Variants in JAK3 observed in about 807,000 individuals in gnomAD.
JAK3 encodes Janus kinase 3.
A neutral mutation model predicts 120.8 loss-of-function variants in JAK3; 88 were observed. The ratio of observed to expected loss-of-function variants is 0.73; its 90% confidence interval spans 0.61 to 0.87. JAK3 has a LOEUF of 0.87. JAK3 is among the 40% of genes least tolerant of loss of function. The pLI is 0.00. For missense variants in JAK3, 1,254 were observed against 1,501.4 expected (o/e 0.84, Z 2.72); for synonymous variants, 592 against 628.6 (o/e 0.94, Z 0.87).
chr19:17,835,952 T>C lies in JAK3; in HGVS notation c.1886A>G (p.Lys629Arg). 6.2e-7 allele frequency: 1 copy of C among 1,614,104 alleles called. No individual in the cohort carries two copies. Among genetic ancestry groups the C allele is most frequent in the Non-Finnish European group, 8.5e-7 (1 of 1,180,024 alleles). ...ATAGTTGAGGGCGTAGGCCAGCTGT[T>C]TGACCACCTGCAGCTTCCAGCTGGC... The part of the protein sequence containing the change: ...VPASWKLQVV[K>R]QLAYALNYLE... Residue 629 changes from lysine (K) to arginine (R), a missense_variant, in exon 14 of 24, where the codon AAA (lysine) becomes AGA (arginine). Physicochemically the swap from Lys to Arg is conservative, Grantham distance 26. Transcript: ENST00000458235.
Position 17,831,171 on chromosome 19 carries a change from GGGGGCGGAGCCAGAGCCGTGGGGAATA to G in JAK3, c.2978+30_2978+56del. Reference sequence around the variant, plus strand: ...AGCGGGAGGGGGCGGGGGCATGGCTGGGGGCGGAGCCAGAGCCGTGGGGAATAGGGGCGGAGCCTAGGCGCGGGTTCC... The same window carrying G: ...AGCGGGAGGGGGCGGGGGCATGGCTGGGGGCGGAGCCTAGGCGCGGGTTCC... On this transcript the variant is annotated intron_variant, in intron 21 of 23. Transcript: ENST00000458235. The surrounding 1 kb of genome is among the most constrained non-coding windows in gnomAD (Gnocchi z 5.1). 1 of 1,566,360 alleles carries G rather than the reference GGGGGCGGAGCCAGAGCCGTGGGGAATA, an allele frequency of 6.4e-7. No homozygotes were observed. Among genetic ancestry groups the G allele is most frequent in the Non-Finnish European group, 8.7e-7 (1 of 1,150,100 alleles).
intron 13 of JAK3, 125 bp from the exon 14 acceptor site, chr19:17,836,176 G>A: frequency 9.0e-7 from 1 of 1,112,894 alleles, no homozygotes; most frequent in Non-Finnish European, 1.3e-6. Flanking sequence ...CTCCCCTGCT[G>A]CCTCTGTTCA....
chr19:17,834,678 T>C lies in JAK3; in HGVS notation c.2243A>G (p.Lys748Arg), dbSNP rs759965964. Reference sequence around the variant, plus strand: ...AATCAGCAGGGCCAGCTCTGTCCACTTGGGGGCCGGCAGCTGCTGCCGGTC... The same window carrying C: ...AATCAGCAGGGCCAGCTCTGTCCACCTGGGGGCCGGCAGCTGCTGCCGGTC... ...YEDRQQLPAPKWTELALLIQQ... is the reference protein window; with the variant it reads ...YEDRQQLPAPRWTELALLIQQ... Residue 748 changes from lysine to arginine, a missense_variant, in exon 17 of 24, where the codon AAG becomes AGG. This residue lies in a region of JAK3 where 630 missense variants were observed against 819.8 expected (regional missense o/e 0.77). Transcript: ENST00000458235. 21 of 1,613,936 alleles carry C rather than the reference T, an allele frequency of 1.3e-5. No individual in the cohort carries two copies. Among genetic ancestry groups the C allele is most frequent in the African/African-American group, 2.7e-5 (2 of 74,888 alleles).
In JAK3 at chr19:17,842,734, C is replaced by G; in HGVS notation, c.567-124G>C. On this transcript the variant is annotated intron_variant, in intron 5 of 23. Coordinates refer to ENST00000458235, the MANE Select transcript of JAK3 (RefSeq NM_000215.4). This position sits in a 1 kb window ranked among gnomAD's most constrained non-coding sequence, Gnocchi z 6.4. ...GGCCCTAGTTGGGGCACCAGGCACA[C>G]ACAGACTCTCATTCAGGGTCAGGTA... 4.8e-6 allele frequency: 5 copies of G among 1,041,952 alleles called. No homozygotes were observed. The highest frequency in any genetic ancestry group is 5.5e-6 in the Non-Finnish European group (4 of 732,614). The allele number at this position is 1,041,952 out of a possible 1,614,324, so 64.5% of individuals were successfully genotyped here.
In JAK3 at chr19:17,842,815, G is replaced by T; in HGVS notation, c.567-205C>A. On this transcript the variant is annotated intron_variant, in intron 5 of 23. Coordinates refer to ENST00000458235, the MANE Select transcript of JAK3 (RefSeq NM_000215.4). The surrounding 1 kb of genome is among the most constrained non-coding windows in gnomAD (Gnocchi z 6.4). ...CATTGGCGCCCACAGGTCGGACAGG[G>T]ACCCCACAGGCCTTTTAGCTGGGGG... The T allele has an allele frequency of 1.2e-6, 1 of 836,924 alleles. No individual in the cohort carries two copies. The highest frequency in any genetic ancestry group is 1.9e-6 in the Non-Finnish European group (1 of 535,068). 51.8% of individuals were successfully genotyped at this position (836,924 alleles called of 1,614,324 possible).
At chr19:17,838,128 G>A (rs2094228851) in intron 11 of JAK3, 65 bp from the exon 12 acceptor site, 9 of 1,612,950 alleles carry the variant, frequency 5.6e-6, no homozygotes, top group Middle Eastern at 1.7e-4. Flanking sequence ...CAGCCCAAGC[G>A]AGACATAGCT....
At position 17,826,799 on chromosome 19, in the gene JAK3, T is replaced by A. The variant is rs1179820111; in HGVS notation, c.3319A>T (p.Thr1107Ser). The A allele has an allele frequency of 4.3e-6, 7 of 1,613,620 alleles. No individual in the cohort carries two copies. Among genetic ancestry groups the A allele is most frequent in the Non-Finnish European group, 5.9e-6 (7 of 1,179,948 alleles). Residue 1107 changes from threonine (T) to serine (S), a missense_variant, in exon 24 of 24, where the codon ACT becomes TCT. Thr to Ser is a moderately conservative substitution (Grantham distance 58). Around this residue, in one of 3 missense-constraint regions of JAK3, gnomAD observed 630 missense variants for 819.8 expected, o/e 0.77. Transcript: ENST00000458235. The part of the protein sequence containing the change: ...MLWSGSRGCE[T>S]HAFTAHPEGK... The stretch of plus-strand genomic sequence containing the variant: ...TCTGGGTGAGCAGTGAAGGCATGAG[T>A]CTCACACCCCCGGCTTCCGCTCCAC...
intron 1 of JAK3, 39 bp downstream of exon 1, chr19:17,847,907 A>C: frequency 1.5e-5 from 11 of 729,964 alleles, no homozygotes; most frequent in East Asian, 7.5e-5. Flanking sequence ...ATCCTCCCCC[A>C]GTGTCTGGGC....
rs1487908136 is a variant in JAK3 at position 17,827,739 on chromosome 19, A to T, written c.3208-829T>A. Among the ~76,000 whole-genome samples the T allele has an allele frequency of 7.3e-4, 33 of 45,408 alleles. 3 individuals are homozygous for T. The highest frequency in any genetic ancestry group is 1.1e-3 in the Admixed American group (5 of 4,450). 29.8% of individuals were successfully genotyped at this position (45,408 alleles called of 152,430 possible). On this transcript the variant is annotated intron_variant, in intron 23 of 23. Transcript: ENST00000458235. ...AACTAAAAAAAAAAAAAAAAAAAAA[A>T]AAAAAAAAAAAAAAAAAAAATTACA... is the stretch of plus-strand genomic sequence containing the variant.
intron 21 of JAK3, among the ~76,000 whole-genome samples, chr19:17,830,913 G>A (rs1370793338): frequency 1.4e-5 from 1 of 70,614 alleles, no homozygotes; most frequent in African/African-American, 5.6e-5. Flanking sequence ...GGGAAGGGCG[G>A]AACTAAGAGG....
Position 17,837,408 on chromosome 19 carries a change from T to TTTTTG in JAK3, c.1702-200_1702-196dup, listed in dbSNP as rs552562879. Among the ~76,000 whole-genome samples, 897 of 152,080 alleles carry TTTTTG rather than the reference T, an allele frequency of 5.9e-3. 5 individuals carry two copies. Among genetic ancestry groups the TTTTTG allele is most frequent in the African/African-American group, 0.02 (848 of 41,484 alleles). On this transcript the variant is annotated intron_variant, in intron 12 of 23. Coordinates refer to ENST00000458235, the MANE Select transcript of JAK3 (RefSeq NM_000215.4). Reference sequence around the variant, plus strand: ...AGAAGTTCCCACTATCATCTATGGTTTTTTGTTTTGTTTTGTTTTGTTTTT... The same window carrying TTTTTG: ...AGAAGTTCCCACTATCATCTATGGTTTTTTGTTTTGTTTTGTTTTGTTTTGTTTTT...
chr19:17,844,614 C>T (rs1187082487), intron 1 of JAK3, among the ~76,000 whole-genome samples, 184 bp from the exon 2 acceptor site: 1 of 151,922 alleles, frequency 6.6e-6, no homozygotes, highest in Admixed American at 6.6e-5. Context: ...GCCTGGCCAA[C>T]ATGGCGAAAC....
rs1267334415 is a variant in JAK3 at position 17,825,152 on chromosome 19, T to C, written c.*1591A>G. ...CAGCCAAGGGGTAAGCTCTGACCAT[T>C]TTGCAGGGGACAGAACTGAGACCCA... On this transcript the variant is annotated 3_prime_UTR_variant, in exon 24 of 24. Transcript: ENST00000458235. The C allele has an allele frequency of 1.3e-5, 3 of 229,458 alleles. No homozygotes were observed. The highest frequency in any genetic ancestry group is 2.2e-5 in the African/African-American group (1 of 45,086). The allele number at this position is 229,458 out of a possible 1,614,324, so 14.2% of individuals were successfully genotyped here. A position where few individuals can be genotyped will look rare whatever the true frequency, so the allele number is the denominator to read the frequency against.
Position 17,842,493 on chromosome 19 carries a change from C to T in JAK3, c.684G>A (p.Gln228=), listed in dbSNP as rs1306029073. 6.3e-7 allele frequency: 1 copy of T among 1,599,564 alleles called. No homozygotes were observed. ...TGGCCATGAGCGAGTGCCGGTCTGC[C>T]TGGCAGGCGGCCACGCGGCGCAGGG... ...RRALRRVAAC[Q]ADRHSLMAKY... is the part of the protein sequence containing the mutation. Residue 228 remains glutamine, a synonymous_variant, in exon 6 of 24, where the codon CAG becomes CAA. Transcript: ENST00000458235. This position sits in a 1 kb window ranked among gnomAD's most constrained non-coding sequence, Gnocchi z 6.4.
At chr19:17,837,848 C>A (rs2094227984) in intron 12 of JAK3, 84 bp downstream of exon 12, 1 of 1,590,488 alleles carries the variant, frequency 6.3e-7, no homozygotes, top group African/African-American at 1.3e-5. Flanking sequence ...GCCCAGGTCC[C>A]TGTGTGTTTT....
At chr19:17,839,716 T>A in intron 9 of JAK3, 53 bp from the exon 10 acceptor site, 15 of 1,213,528 alleles carry the variant, frequency 1.2e-5, no homozygotes, top group Non-Finnish European at 1.5e-5. Flanking sequence ...ACTCTCCTTC[T>A]CAGTCCTTCT....
chr19:17,837,103 GGGGTGGGT>G lies in JAK3; in HGVS notation c.1786+18_1786+25del. On this transcript the variant is annotated intron_variant, in intron 13 of 23. Coordinates refer to ENST00000458235, the MANE Select transcript of JAK3 (RefSeq NM_000215.4). ...GCCTAGACTTGGGTGAGGCAGGGGT[GGGGTGGGT>G]GGGTGGGGGGCTCTCACTGTCTCCA... 6.8e-7 allele frequency: 1 copy of G among 1,469,082 alleles called. No homozygotes were observed. The allele number at this position is 1,469,082 out of a possible 1,614,324, so 91.0% of individuals were successfully genotyped here. A position where few individuals can be genotyped will look rare whatever the true frequency, so the allele number is the denominator to read the frequency against.
In JAK3 at chr19:17,847,447, G is replaced by T. The variant is rs911426505; in HGVS notation, c.-14+499C>A. 2.0e-5 allele frequency among the ~76,000 whole-genome samples: 3 copies of T among 151,962 alleles called. No homozygotes were observed. The East Asian group carries it at 5.8e-4, about 29-fold the overall frequency. On this transcript the variant is annotated intron_variant, in intron 1 of 23. Coordinates refer to ENST00000458235, the MANE Select transcript of JAK3 (RefSeq NM_000215.4). ...CCCAGAAAACGCCATAGTTTTTTTGGTTTTTTAAAAATGTTTGTAGAAATG... is the reference window on the plus strand; with the variant it reads ...CCCAGAAAACGCCATAGTTTTTTTGTTTTTTTAAAAATGTTTGTAGAAATG...
Position 17,838,279 on chromosome 19 carries a change from G to T in JAK3, c.1553C>A (p.Ala518Asp). 1 of 1,614,142 alleles carries T rather than the reference G, an allele frequency of 6.2e-7. No individual in the cohort carries two copies. Among genetic ancestry groups the T allele is most frequent in the South Asian group, 1.1e-5 (1 of 91,074 alleles). ...GCCTCTTACCCACTCCAGGCTGTCA[G>T]CAGGGATCTTGTGAAATGTCATCTG... ...LSQMTFHKIP[A>D]DSLEWHENLG... is the part of the protein sequence containing the mutation. Residue 518 changes from alanine (A) to aspartate (D), a missense_variant, in exon 11 of 24, where the codon GCT (alanine) becomes GAT (aspartate). Transcript: ENST00000458235.
Sources: allele counts gnomAD v4.1 joint callset (sites outside exome capture counted in the v4.1 genomes callset), GRCh38; gene constraint gnomAD v4.1.1; regional missense constraint gnomAD v4.1.1; non-coding constraint Gnocchi (gnomAD v3.1); transcripts MANE v1.5; gene names NCBI Gene and HGNC (gene_info 2026-07-23, HGNC 2026-07-21).